ANXA8: variants seen among roughly 807,000 people sequenced by gnomAD.
ANXA8 encodes the protein VAC-beta.
A neutral mutation model predicts 26.8 loss-of-function variants in ANXA8; 9 were observed. That is an observed-to-expected ratio of 0.34 (90% CI 0.20 to 0.59). ANXA8 has a LOEUF of 0.59. Ranked by LOEUF, ANXA8 falls within the 20% of genes least tolerant of loss-of-function variation. The probability of loss-of-function intolerance (pLI) is 0.84; values close to 1 mark genes in which losing one functional copy is unlikely to be tolerated. For missense variants in ANXA8, 83 were observed against 238.5 expected (o/e 0.35, Z 4.29); for synonymous variants, 39 against 94.8 (o/e 0.41, Z 3.42).
the ANXA8 span, among the ~76,000 whole-genome samples, chr10:47,615,072 TA>T: frequency 2.8e-5 from 2 of 70,590 alleles, no homozygotes; most frequent in African/African-American, 8.2e-5. Context: ...TCTTTTACAG[TA>T]AAAAAGGCAA....
At chr10:47,492,262 C>T in the ANXA8 span, among the ~76,000 whole-genome samples, 6 of 149,160 alleles carry the variant, frequency 4.0e-5, no homozygotes, top group Non-Finnish European at 9.0e-5. Context: ...AGGGTGGTGC[C>T]TTGCCCGAGT....
At chr10:47,939,303 C>A in the ANXA8 span, among the ~76,000 whole-genome samples, 175 of 81,062 alleles carry the variant, frequency 2.2e-3, no homozygotes, top group East Asian at 5.4e-3. Context: ...AACTCTGTCT[C>A]AAAAAAAAAA....
the ANXA8 span, among the ~76,000 whole-genome samples, chr10:47,495,283 ATTATTATT>A: frequency 0.012 from 1,265 of 106,044 alleles, 67 homozygotes; most frequent in African/African-American, 0.037. Context: ...TATTATTATT[ATTATTATT>A]ATTATTATTT....
the ANXA8 span, among the ~76,000 whole-genome samples, chr10:47,551,053 A>G: frequency 1.3e-5 from 2 of 150,932 alleles, no homozygotes; most frequent in Admixed American, 1.3e-4. Context: ...TTGCTGTTCA[A>G]TAAAGATGTA....
At chr10:47,556,536 C>T in the ANXA8 span, among the ~76,000 whole-genome samples, 23 of 151,864 alleles carry the variant, frequency 1.5e-4, no homozygotes, top group Middle Eastern at 0.01. Flanking sequence ...AACAAGATCC[C>T]CCTTTTAATG....
chr10:47,627,405 A>G, the ANXA8 span, among the ~76,000 whole-genome samples: 117 of 150,320 alleles, frequency 7.8e-4, 10 homozygotes, highest in African/African-American at 2.9e-3. Context: ...TGTGATAAAG[A>G]GTGTCACTCT....
At chr10:47,607,568 TTTA>T in the ANXA8 span, among the ~76,000 whole-genome samples, 1 of 132,020 alleles carries the variant, frequency 7.6e-6, no homozygotes, top group South Asian at 2.3e-4. Context: ...TTTGCAAATT[TTTA>T]TTATATTAGT....
chr10:47,590,803 A>G, the ANXA8 span, among the ~76,000 whole-genome samples: 1 of 137,660 alleles, frequency 7.3e-6, no homozygotes, highest in African/African-American at 3.4e-5. Context: ...TGGAATACTC[A>G]TCACACCATC....
chr10:47,684,267 T>C, the ANXA8 span, among the ~76,000 whole-genome samples: 1 of 152,242 alleles, frequency 6.6e-6, no homozygotes, highest in Admixed American at 6.5e-5. Context: ...ACATATTTTG[T>C]TTCCCCCTGC....
chr10:47,579,346 C>T, the ANXA8 span, among the ~76,000 whole-genome samples: 23 of 67,402 alleles, frequency 3.4e-4, no homozygotes, highest in Admixed American at 6.6e-4. Context: ...CTTGCTATGT[C>T]GCCCAGCCTG....
the ANXA8 span, among the ~76,000 whole-genome samples, chr10:47,516,630 A>G: frequency 1.4e-5 from 2 of 138,236 alleles, 1 homozygote; most frequent in Non-Finnish European, 3.1e-5. Flanking sequence ...TAGCCCAGAA[A>G]AGCAGACATT....
At chr10:47,676,711 A>G in the ANXA8 span, among the ~76,000 whole-genome samples, 31 of 151,592 alleles carry the variant, frequency 2.0e-4, no homozygotes, top group Admixed American at 1.5e-3. Flanking sequence ...CAAGGTCAAG[A>G]GGTCGAGACC....
chr10:47,495,659 A>AGAGGAGGAG, the ANXA8 span, among the ~76,000 whole-genome samples: 109 of 120,968 alleles, frequency 9.0e-4, 7 homozygotes, highest in South Asian at 0.015. Flanking sequence ...CTGAGGAGGA[A>AGAGGAGGAG]GAGGAGGAGG....
the ANXA8 span, among the ~76,000 whole-genome samples, chr10:47,554,243 C>T: frequency 7.2e-6 from 1 of 138,626 alleles, no homozygotes; most frequent in Non-Finnish European, 1.5e-5. Flanking sequence ...TCGCTTGAGC[C>T]TGGGAGGCAG....
chr10:47,622,268 C>A, the ANXA8 span, among the ~76,000 whole-genome samples: 2 of 111,634 alleles, frequency 1.8e-5, 1 homozygote, highest in African/African-American at 7.1e-5. Flanking sequence ...ATGATCCATG[C>A]TCCCTGACCT....
the ANXA8 span, among the ~76,000 whole-genome samples, chr10:47,656,957 G>T: frequency 2.7e-5 from 4 of 150,518 alleles, no homozygotes; most frequent in Non-Finnish European, 4.4e-5. Context: ...GTTTACACTG[G>T]TGACTACAGT....
At chr10:47,717,997 C>CAAAAA in the ANXA8 span, among the ~76,000 whole-genome samples, 2 of 55,488 alleles carry the variant, frequency 3.6e-5, no homozygotes, top group Non-Finnish European at 3.0e-5. Flanking sequence ...TACTCTGTCT[C>CAAAAA]AAAAAAAAAA....
chr10:47,900,810 G>C, the ANXA8 span, among the ~76,000 whole-genome samples: 1 of 147,888 alleles, frequency 6.8e-6, no homozygotes, highest in African/African-American at 2.5e-5. Context: ...CACACAGGAA[G>C]AATATGTCCA....
chr10:47,943,342 G>A, the ANXA8 span, among the ~76,000 whole-genome samples: 1 of 146,400 alleles, frequency 6.8e-6, no homozygotes, highest in Middle Eastern at 3.5e-3. Context: ...GCCATTTGTA[G>A]GAGGCTGGGA....
Sources: gnomAD v4.1 joint callset for allele counts (sites outside exome capture counted in the v4.1 genomes callset) on GRCh38, gnomAD v4.1.1 for gene constraint, MANE v1.5 for transcripts, NCBI Gene and HGNC (gene_info 2026-07-23, HGNC 2026-07-21) for gene names.